TRHDE: variants seen among roughly 807,000 people sequenced by gnomAD.
TRHDE encodes thyrotropin-releasing hormone-degrading ectoenzyme.
Under a neutral mutation model 125.7 loss-of-function variants are expected in TRHDE, and 72 were observed. That is an observed-to-expected ratio of 0.57 (90% CI 0.47 to 0.70). TRHDE has a LOEUF of 0.70. TRHDE is among the 30% of genes least tolerant of loss of function. TRHDE has a pLI of 0.00. For synonymous variants in TRHDE, 509 were observed against 509.1 expected, an observed-to-expected ratio of 1.00 and a Z score of 0.00; for missense variants, 1,110 against 1,327.1, an observed-to-expected ratio of 0.84 and a Z score of 2.54.
chr12:72,303,660 C>A (rs1196460698), intron 2 of TRHDE, among the ~76,000 whole-genome samples: 5 of 152,118 alleles, frequency 3.3e-5, no homozygotes, highest in Non-Finnish European at 7.3e-5. Flanking sequence ...CCCATGCCCT[C>A]TATTTGGGAT....
At chr12:72,367,266 G>A (rs1190441163) in intron 2 of TRHDE, among the ~76,000 whole-genome samples, 3 of 152,036 alleles carry the variant, frequency 2.0e-5, no homozygotes, top group African/African-American at 7.2e-5. Context: ...TGCATCTTAA[G>A]TTCTGTTGCC....
At chr12:72,622,674 C>T (rs565576699) in intron 15 of TRHDE, among the ~76,000 whole-genome samples, 34 of 152,052 alleles carry the variant, frequency 2.2e-4, no homozygotes, top group Middle Eastern at 3.4e-3. Context: ...CTTAGAGAAC[C>T]GCAGTCAGTA....
intron 3 of TRHDE, among the ~76,000 whole-genome samples, chr12:72,461,249 G>T (rs1876113479): frequency 6.6e-6 from 1 of 152,112 alleles, no homozygotes; most frequent in Non-Finnish European, 1.5e-5. Context: ...AATGTATTCT[G>T]CTTTAAAGCT....
chr12:72,636,213 C>T (rs1284954580), intron 15 of TRHDE, among the ~76,000 whole-genome samples: 1 of 151,922 alleles, frequency 6.6e-6, no homozygotes, highest in Non-Finnish European at 1.5e-5. Flanking sequence ...TGAAGAGGTC[C>T]TTCAGATCCC....
intron 3 of TRHDE, among the ~76,000 whole-genome samples, chr12:72,383,961 T>C (rs1482156113): frequency 6.6e-6 from 1 of 152,142 alleles, no homozygotes; most frequent in East Asian, 1.9e-4. Context: ...GCTATTTTTG[T>C]TAATTTTTTA....
chr12:72,403,509 C>A (rs10784969), intron 3 of TRHDE, among the ~76,000 whole-genome samples: 53,588 of 151,938 alleles, frequency 0.35, 13,575 homozygotes, highest in African/African-American at 0.7. Flanking sequence ...ACATATTTTC[C>A]GTGAGGAAAC....
chr12:72,440,659 G>A (rs992839307), intron 3 of TRHDE, among the ~76,000 whole-genome samples: 2 of 151,880 alleles, frequency 1.3e-5, no homozygotes, highest in African/African-American at 2.4e-5. Flanking sequence ...GGTACAAAGA[G>A]ATTAAACAGT....
intron 2 of TRHDE, among the ~76,000 whole-genome samples, chr12:72,352,681 A>G (rs1254650844): frequency 6.6e-6 from 1 of 151,782 alleles, no homozygotes; most frequent in African/African-American, 2.4e-5. Context: ...GGTTCATTGC[A>G]TAGATTTCCT....
intron 13 of TRHDE, among the ~76,000 whole-genome samples, chr12:72,620,542 G>A (rs991661427): frequency 6.6e-6 from 1 of 151,610 alleles, no homozygotes; most frequent in Non-Finnish European, 1.5e-5. Flanking sequence ...AAAAAATAGT[G>A]AGGGAGAGCA....
intron 2 of TRHDE, among the ~76,000 whole-genome samples, chr12:72,175,739 A>G (rs1264452229): frequency 6.6e-6 from 1 of 152,240 alleles, no homozygotes; most frequent in Non-Finnish European, 1.5e-5. Flanking sequence ...GCCAATGCAA[A>G]TATTACTAAG....
intron 2 of TRHDE, among the ~76,000 whole-genome samples, chr12:72,246,175 C>T (rs1034916375): frequency 1.3e-5 from 2 of 151,090 alleles, no homozygotes; most frequent in Admixed American, 1.3e-4. Context: ...ATATTGTCCT[C>T]AAAAAAAACT....
chr12:72,519,025 T>A (rs556313156), intron 6 of TRHDE, among the ~76,000 whole-genome samples: 3 of 152,366 alleles, frequency 2.0e-5, no homozygotes, highest in African/African-American at 7.2e-5. Flanking sequence ...GCTGTTAGTC[T>A]GATGGGCTTC....
At chr12:72,358,080 T>C (rs913885481) in intron 2 of TRHDE, among the ~76,000 whole-genome samples, 3 of 151,578 alleles carry the variant, frequency 2.0e-5, no homozygotes, top group African/African-American at 7.3e-5. Flanking sequence ...AAACAGTACT[T>C]AGGAGGGATT....
intron 2 of TRHDE, among the ~76,000 whole-genome samples, chr12:72,160,919 G>A (rs995567238): frequency 7.9e-5 from 12 of 151,960 alleles, no homozygotes; most frequent in Non-Finnish European, 1.8e-4. Flanking sequence ...GTGTTATATG[G>A]GTGTTTGAGT....
At chr12:72,280,248 C>T (rs963275744) in intron 1 of TRHDE, among the ~76,000 whole-genome samples, 3 of 152,122 alleles carry the variant, frequency 2.0e-5, no homozygotes, top group African/African-American at 4.8e-5. Context: ...TTCTATTGTA[C>T]AGGGTTGTTG....
At chr12:72,596,520 T>C (rs1008299273) in intron 12 of TRHDE, among the ~76,000 whole-genome samples, 3 of 152,152 alleles carry the variant, frequency 2.0e-5, no homozygotes, top group Admixed American at 1.3e-4. Flanking sequence ...TATAATACAT[T>C]GGTCTAAGGT....
chr12:72,412,948 A>G (rs1873571894), intron 3 of TRHDE, among the ~76,000 whole-genome samples: 1 of 151,994 alleles, frequency 6.6e-6, no homozygotes, highest in Admixed American at 6.6e-5. Context: ...CTAAGGGGGA[A>G]GAAATGGGCA....
At chr12:72,270,086 C>T (rs1269842979), upstream of TRHDE, among the ~76,000 whole-genome samples, 6 of 152,148 alleles carry the variant, frequency 3.9e-5, no homozygotes, top group Non-Finnish European at 7.4e-5. Context: ...TCGCAGGGCT[C>T]CTCTTACTTG....
At chr12:72,594,693 T>C (rs1402390747) in intron 12 of TRHDE, among the ~76,000 whole-genome samples, 1 of 151,782 alleles carries the variant, frequency 6.6e-6, no homozygotes, top group African/African-American at 2.4e-5. Context: ...ACTTATGAAC[T>C]ACTCTAATGT....
Sources: allele counts gnomAD v4.1 joint callset (sites outside exome capture counted in the v4.1 genomes callset), GRCh38; gene constraint gnomAD v4.1.1; transcripts MANE v1.5; gene names NCBI Gene and HGNC (gene_info 2026-07-23, HGNC 2026-07-21).